The following ZFTA variants were observed in gnomAD, a reference collection of about 807,000 sequenced individuals.
ZFTA encodes the protein zinc finger translocation associated, also known as zinc finger translocation-associated protein.
ZFTA carries 35 observed loss-of-function variants against 41.8 expected under a neutral mutation model. The ratio of observed to expected loss-of-function variants is 0.84; its 90% CI spans 0.64 to 1.11. The LOEUF (loss-of-function observed/expected upper bound fraction) is 1.11, where lower values mean the gene tolerates loss of function less well. Among genes scored for constraint, ZFTA ranks in the 50% most tolerant of loss-of-function variants. ZFTA has a pLI of 0.00. For synonymous variants in ZFTA, 514 were observed against 436.4 expected (o/e 1.18, Z -2.22); for missense variants, 964 against 989.8 (o/e 0.97, Z 0.35).
rs748363649 is a variant in ZFTA, at chr11:63,766,338, C to T, written c.140-34G>A. 4.3e-6 allele frequency: 6 copies of T among 1,406,626 alleles called. No homozygotes were observed. The East Asian group carries it at 1.7e-4, about 39-fold the overall frequency. 87.1% of individuals were successfully genotyped at this position (1,406,626 alleles called of 1,614,324 possible). A position where few individuals can be genotyped will look rare whatever the true frequency, so the allele number is the denominator to read the frequency against. On this transcript the variant is annotated intron_variant, in intron 1 of 4. Transcript: ENST00000433688. ...GGGGAAAGGGAGACAGTTTTTCAAT[C>T]TCTGATTTCCAGGGAAAGAGGCGAG...
Position 63,768,101 on chromosome 11 carries a change from C to A in ZFTA, c.139+383G>T, listed in dbSNP as rs531713597. On this transcript the variant is annotated intron_variant, in intron 1 of 4. Transcript: ENST00000433688. ...CCCCGAAGGGGACCCAGGGTCTGGG[C>A]GGACTTTTGAGAGAAAGCCCGATTA... 1.9e-3 allele frequency among the ~76,000 whole-genome samples: 295 copies of A among 152,224 alleles called. 1 individual carries two copies. Among genetic ancestry groups the A allele is most frequent in the Non-Finnish European group, 3.3e-3 (225 of 67,986 alleles).
chr11:63,763,634 G>T lies in ZFTA; in HGVS notation c.1821C>A (p.Gly607=), dbSNP rs2014689421. The change falls in exon 5 of 5, where the codon GGC becomes GGA. Residue 607 remains glycine (G), a synonymous_variant. Transcript: ENST00000433688. The stretch of plus-strand genomic sequence containing the variant: ...TGCTCACCTTGAGCGTGGCCAGCGC[G>T]CCCCCGCACACCATACACACCAGGC... The part of the protein sequence containing the change: ...RRGLVCMVCG[G]ALATLKVSTI... The T allele has an allele frequency of 6.5e-7, 1 of 1,548,216 alleles. No homozygotes were observed. Among genetic ancestry groups the T allele is most frequent in the East Asian group, 2.5e-5 (1 of 40,744 alleles).
chr11:63,768,531 G>A lies in ZFTA; in HGVS notation c.92C>T (p.Pro31Leu), dbSNP rs1049906006. The change falls in exon 1 of 5, where the codon CCG becomes CTG. Residue 31 changes from proline (P) to leucine (L), a missense_variant. Physicochemically the swap from Pro to Leu is moderately conservative, Grantham distance 98. This residue lies in a region of ZFTA where 111 missense variants were observed against 93.2 expected (regional missense o/e 1.19). Coordinates refer to ENST00000433688, the MANE Select transcript of ZFTA (RefSeq NM_001144936.2). ...CGCGCTGCCGCTCGATCCGGCGGGC[G>A]GCAGCCGTCGGCCCCGTGCCGAGGC... ...AVASARGRRL[P>L]PAGSSGSAEP... 5 of 1,187,176 alleles carry A rather than the reference G, an allele frequency of 4.2e-6. 1 individual carries two copies. In the Admixed American group the frequency reaches 1.2e-4, roughly 28 times the overall value. 73.5% of individuals were successfully genotyped at this position (1,187,176 alleles called of 1,614,324 possible). A position where few individuals can be genotyped will look rare whatever the true frequency, so the allele number is the denominator to read the frequency against.
At position 63,764,466 on chromosome 11, in the gene ZFTA, C is replaced by G. The variant is rs1399196424; in HGVS notation, c.1157G>C (p.Gly386Ala). 7.9e-7 allele frequency: 1 copy of G among 1,264,102 alleles called. No individual in the cohort carries two copies. Among genetic ancestry groups the G allele is most frequent in the Non-Finnish European group, 1.0e-6 (1 of 1,001,382 alleles). 78.3% of individuals were successfully genotyped at this position (1,264,102 alleles called of 1,614,324 possible). The change falls in exon 4 of 5, where the codon GGG becomes GCG. Residue 386 changes from glycine to alanine, a missense_variant. Physicochemically the swap from Gly to Ala is moderately conservative, Grantham distance 60. Coordinates refer to ENST00000433688, the MANE Select transcript of ZFTA (RefSeq NM_001144936.2). ...EEAGWVPERP[G>A]PAEEEEELEE... ...CAGCTCCTCCTCCTCCTCTGCGGGC[C>G]CGGGCCTCTCAGGGACCCAGCCAGC...
Position 63,762,154 on chromosome 11 carries a change from C to A in ZFTA, c.*1264G>T. 1 of 152,706 alleles carries A rather than the reference C, an allele frequency of 6.5e-6. No individual in the cohort carries two copies. 9.5% of individuals were successfully genotyped at this position (152,706 alleles called of 1,614,324 possible). On this transcript the variant is annotated 3_prime_UTR_variant, in exon 5 of 5. Transcript: ENST00000433688. ...ACAGCTAGTTGGGGTCCTCCCGTCC[C>A]CGCCTCTGCCCTCGCTCCTCCTTCC... is the stretch of plus-strand genomic sequence containing the variant.
At chr11:63,764,735 G>A (rs1035278925) in intron 3 of ZFTA, 133 bp downstream of exon 3, 26 of 1,355,424 alleles carry the variant, frequency 1.9e-5, no homozygotes, top group East Asian at 2.9e-5. Flanking sequence ...GGGGCAGGGG[G>A]AAAGTATGTG....
Position 63,764,905 on chromosome 11 carries a change from C to G in ZFTA, c.987G>C (p.Gln329His). ...RSALLQAWGG[Q>H]PEALSELTQS... is the part of the protein sequence containing the mutation. Reference sequence around the variant, plus strand: ...GGGTGAGCTCAGACAGCGCCTCGGGCTGGCCCCCCCAGGCCTGCAGCAGGG... The same window carrying G: ...GGGTGAGCTCAGACAGCGCCTCGGGGTGGCCCCCCCAGGCCTGCAGCAGGG... Residue 329 changes from glutamine to histidine, a missense_variant, in exon 3 of 5, where the codon CAG becomes CAC. Transcript: ENST00000433688. The G allele has an allele frequency of 6.5e-7, 1 of 1,531,388 alleles. No individual in the cohort carries two copies. The highest frequency in any genetic ancestry group is 1.2e-5 in the South Asian group (1 of 82,204). The allele number at this position is 1,531,388 out of a possible 1,614,324, so 94.9% of individuals were successfully genotyped here. A position where few individuals can be genotyped will look rare whatever the true frequency, so the allele number is the denominator to read the frequency against.
intron 1 of ZFTA, among the ~76,000 whole-genome samples, chr11:63,768,125 T>A (rs2014776213): frequency 6.6e-6 from 1 of 151,980 alleles, no homozygotes; most frequent in Non-Finnish European, 1.5e-5. Flanking sequence ...AAAGCCCGAT[T>A]AGGGAGACCA....
Position 63,764,178 on chromosome 11 carries a change from T to C in ZFTA, c.1445A>G (p.Glu482Gly). Residue 482 changes from glutamate to glycine, a missense_variant, in exon 4 of 5, where the codon GAG (glutamate) becomes GGG (glycine). Transcript: ENST00000433688. The part of the protein sequence containing the change: ...VQALIAREWS[E>G]KAAHLLALGP... Reference sequence around the variant, plus strand: ...CAGGGCCAGCAGGTGGGCGGCCTTCTCGCTCCACTCCCGGGCGATGAGGGC... The same window carrying C: ...CAGGGCCAGCAGGTGGGCGGCCTTCCCGCTCCACTCCCGGGCGATGAGGGC... 1 of 1,378,230 alleles carries C rather than the reference T, an allele frequency of 7.3e-7. No individual in the cohort carries two copies. Among genetic ancestry groups the C allele is most frequent in the Non-Finnish European group, 9.3e-7 (1 of 1,074,746 alleles). The allele number at this position is 1,378,230 out of a possible 1,614,324, so 85.4% of individuals were successfully genotyped here. A position where few individuals can be genotyped will look rare whatever the true frequency, so the allele number is the denominator to read the frequency against.
rs940477258 is a variant in ZFTA at position 63,766,036 on chromosome 11, G to C, written c.408C>G (p.Leu136=). ...CMVCGSSLAT[L]KLSTIKRHIR... ...TGTGGCGCTTGATGGTGCTGAGCTT[G>C]AGGGTGGCCAGGGAGCTGCCGCACA... Residue 136 remains leucine, a synonymous_variant, in exon 2 of 5, where the codon CTC becomes CTG. Transcript: ENST00000433688. 6.4e-7 allele frequency: 1 copy of C among 1,551,044 alleles called. No homozygotes were observed. The highest frequency in any genetic ancestry group is 1.4e-5 in the African/African-American group (1 of 73,076).
Position 63,766,270 on chromosome 11 carries a change from C to A in ZFTA, c.174G>T (p.Gly58=). 6.8e-7 allele frequency: 1 copy of A among 1,469,816 alleles called. No homozygotes were observed. The highest frequency in any genetic ancestry group is 8.9e-7 in the Non-Finnish European group (1 of 1,117,702). 91.0% of individuals were successfully genotyped at this position (1,469,816 alleles called of 1,614,324 possible). Residue 58 remains glycine (G), a synonymous_variant, in exon 2 of 5, where the codon GGG becomes GGT. Coordinates refer to ENST00000433688, the MANE Select transcript of ZFTA (RefSeq NM_001144936.2). ...QDLQLEGGAL[G]SWGSAPLPSS... is the part of the protein sequence containing the mutation. The stretch of plus-strand genomic sequence containing the variant: ...AGGGCAGGGGGGCACTCCCCCAGGA[C>A]CCCAAGGCACCCCCTTCCAGCTGAA...
Position 63,764,176 on chromosome 11 carries a change from T to C in ZFTA, c.1447A>G (p.Lys483Glu). The C allele has an allele frequency of 7.3e-7, 1 of 1,376,954 alleles. No homozygotes were observed. The highest frequency in any genetic ancestry group is 9.3e-7 in the Non-Finnish European group (1 of 1,073,722). The allele number at this position is 1,376,954 out of a possible 1,614,324, so 85.3% of individuals were successfully genotyped here. The change falls in exon 4 of 5, where the codon AAG becomes GAG. Residue 483 changes from lysine to glutamate, a missense_variant. Lys to Glu is a moderately conservative substitution (Grantham distance 56). Coordinates refer to ENST00000433688, the MANE Select transcript of ZFTA (RefSeq NM_001144936.2). ...CCCAGGGCCAGCAGGTGGGCGGCCT[T>C]CTCGCTCCACTCCCGGGCGATGAGG... ...QALIAREWSE[K>E]AAHLLALGPP...
rs1421230506 is a variant in ZFTA at position 63,764,313 on chromosome 11, A to G, written c.1310T>C (p.Leu437Pro). Residue 437 changes from leucine to proline, a missense_variant, in exon 4 of 5, where the codon CTG (leucine) becomes CCG (proline). Transcript: ENST00000433688. ...LMELDGGRRG[L>P]VCGVCGGALA... ...CGCGCCCCCGCACACCCCGCACACC[A>G]GGCCGCGCCGGCCGCCGTCCAACTC... 8 of 1,393,520 alleles carry G rather than the reference A, an allele frequency of 5.7e-6. No homozygotes were observed. In the South Asian group the frequency reaches 1.2e-4, roughly 21 times the overall value. 86.3% of individuals were successfully genotyped at this position (1,393,520 alleles called of 1,614,324 possible). A position where few individuals can be genotyped will look rare whatever the true frequency, so the allele number is the denominator to read the frequency against.
rs1438978313 is a variant in ZFTA at position 63,761,966 on chromosome 11, A to T, written c.*1452T>A. The T allele has an allele frequency of 2.6e-5, 4 of 152,410 alleles. No individual in the cohort carries two copies. The highest frequency in any genetic ancestry group is 5.9e-5 in the Non-Finnish European group (4 of 68,264). The allele number at this position is 152,410 out of a possible 1,614,324, so 9.4% of individuals were successfully genotyped here. A position where few individuals can be genotyped will look rare whatever the true frequency, so the allele number is the denominator to read the frequency against. On this transcript the variant is annotated 3_prime_UTR_variant, in exon 5 of 5. Transcript: ENST00000433688. Reference sequence around the variant, plus strand: ...CTTTCCACCCCGAGGCAGGGGCTGGACCACGCTGCCCAGGCATCTCTTCCT... The same window carrying T: ...CTTTCCACCCCGAGGCAGGGGCTGGTCCACGCTGCCCAGGCATCTCTTCCT...
At position 63,761,331 on chromosome 11, in the gene ZFTA, AG is replaced by A; in HGVS notation, c.*2086del. 1 of 152,406 alleles carries A rather than the reference AG, an allele frequency of 6.6e-6. No individual in the cohort carries two copies. Among genetic ancestry groups the A allele is most frequent in the East Asian group, 1.9e-4 (1 of 5,166 alleles). The allele number at this position is 152,406 out of a possible 1,614,324, so 9.4% of individuals were successfully genotyped here. A position where few individuals can be genotyped will look rare whatever the true frequency, so the allele number is the denominator to read the frequency against. On this transcript the variant is annotated 3_prime_UTR_variant, in exon 5 of 5. Coordinates refer to ENST00000433688, the MANE Select transcript of ZFTA (RefSeq NM_001144936.2). ...CCGAGGCAGCCTTGGGCCCTGCGGC[AG>A]CCGCCCCACCTCTGGAGTTCTGCTG...
rs547431723 is a variant in ZFTA at position 63,765,392 on chromosome 11, C to G, written c.638-138G>C. ...CCTTCTCTTCCTCTCTCCTGAAATC[C>G]TAACTCCCTAAACCCTCCTCTGCTA... On this transcript the variant is annotated intron_variant, in intron 2 of 4. Coordinates refer to ENST00000433688, the MANE Select transcript of ZFTA (RefSeq NM_001144936.2). The surrounding 1 kb of genome is among the most constrained non-coding windows in gnomAD (Gnocchi z 4.0). The G allele has an allele frequency of 3.9e-6, 4 of 1,023,222 alleles. No homozygotes were observed. The highest frequency in any genetic ancestry group is 5.4e-6 in the Non-Finnish European group (4 of 745,582). 63.4% of individuals were successfully genotyped at this position (1,023,222 alleles called of 1,614,324 possible).
rs749949046 is a variant in ZFTA, at chr11:63,761,569, AGAACACT to A, written c.*1842_*1848del. The A allele has an allele frequency of 7.2e-5, 11 of 152,210 alleles. No homozygotes were observed. Among genetic ancestry groups the A allele is most frequent in the Non-Finnish European group, 1.0e-4 (7 of 68,040 alleles). The allele number at this position is 152,210 out of a possible 1,614,324, so 9.4% of individuals were successfully genotyped here. ...TGGGAAGCAGTGTGGCATCGTGCAA[AGAACACT>A]GAGTCAGGAGCTAGGATTTTCATTC... On this transcript the variant is annotated 3_prime_UTR_variant, in exon 5 of 5. Transcript: ENST00000433688.
rs1172374790 is a variant in ZFTA, at chr11:63,768,533, C to T, written c.90G>A (p.Leu30=). 8 of 1,186,786 alleles carry T rather than the reference C, an allele frequency of 6.7e-6. No individual in the cohort carries two copies. In the South Asian group the frequency reaches 1.5e-4, roughly 22 times the overall value. The allele number at this position is 1,186,786 out of a possible 1,614,324, so 73.5% of individuals were successfully genotyped here. A position where few individuals can be genotyped will look rare whatever the true frequency, so the allele number is the denominator to read the frequency against. ...CGCTGCCGCTCGATCCGGCGGGCGG[C>T]AGCCGTCGGCCCCGTGCCGAGGCCA... is the stretch of plus-strand genomic sequence containing the variant. ...PAVASARGRR[L]PPAGSSGSAE... is the part of the protein sequence containing the mutation. Residue 30 remains leucine, a synonymous_variant, in exon 1 of 5, where the codon CTG becomes CTA. Transcript: ENST00000433688.
rs997596867 is a variant in ZFTA, at chr11:63,765,157, G to C, written c.735C>G (p.Ala245=). The change falls in exon 3 of 5, where the codon GCC becomes GCG. Residue 245 remains alanine, a synonymous_variant. Coordinates refer to ENST00000433688, the MANE Select transcript of ZFTA (RefSeq NM_001144936.2). This position sits in a 1 kb window ranked among gnomAD's most constrained non-coding sequence, Gnocchi z 4.0. Reference sequence around the variant, plus strand: ...GGGCCCCCAGCCCCCTGCTGCCCCCGGCCCTCCGGGAGGCTGAGAGGCGCA... The same window carrying C: ...GGGCCCCCAGCCCCCTGCTGCCCCCCGCCCTCCGGGAGGCTGAGAGGCGCA... The part of the protein sequence containing the change: ...RRLRLSASRR[A]GGSRGLGARR... The C allele has an allele frequency of 1.4e-5, 22 of 1,545,770 alleles. No individual in the cohort carries two copies. Among genetic ancestry groups the C allele is most frequent in the Non-Finnish European group, 1.9e-5 (22 of 1,145,598 alleles).
Sources: gnomAD v4.1 joint callset for allele counts (sites outside exome capture counted in the v4.1 genomes callset) on GRCh38, gnomAD v4.1.1 for gene constraint, gnomAD v4.1.1 regional missense constraint, Gnocchi (gnomAD v3.1) non-coding constraint, MANE v1.5 for transcripts, NCBI Gene and HGNC (gene_info 2026-07-23, HGNC 2026-07-21) for gene names.